FGF10: variants seen among roughly 807,000 people sequenced by gnomAD.
FGF10 encodes FGF-10.
FGF10 carries 2 observed loss-of-function variants against 19.8 expected under a neutral mutation model. The observed-to-expected ratio is 0.10, with a 90% CI of 0.04 to 0.32. The LOEUF is 0.32. FGF10 is among the 10% of genes least tolerant of loss of function. The pLI, the probability that FGF10 is intolerant of heterozygous loss-of-function variation, is 1.00. For synonymous variants in FGF10, 112 were observed against 94.0 expected (o/e 1.19, Z -1.10); for missense variants, 191 against 246.3 (o/e 0.78, Z 1.50).
At chr5:44,375,849 A>T (rs527562834) in intron 1 of FGF10, among the ~76,000 whole-genome samples, 4 of 152,128 alleles carry the variant, frequency 2.6e-5, no homozygotes, top group Non-Finnish European at 4.4e-5. Context: ...ATCCTCAATT[A>T]TGTTAACTCT....
At chr5:44,345,771 T>G (rs2111803762) in intron 1 of FGF10, among the ~76,000 whole-genome samples, 1 of 151,880 alleles carries the variant, frequency 6.6e-6, no homozygotes, top group Admixed American at 6.6e-5. Context: ...ACTTGGAAAG[T>G]TTTCTCATCC....
chr5:44,368,197 C>T (rs1455556911), intron 1 of FGF10, among the ~76,000 whole-genome samples: 1 of 151,920 alleles, frequency 6.6e-6, no homozygotes, highest in Non-Finnish European at 1.5e-5. Flanking sequence ...AGGACTGAGG[C>T]AATATATTTC....
intron 1 of FGF10, among the ~76,000 whole-genome samples, chr5:44,358,937 T>C (rs1349609227): frequency 1.3e-5 from 2 of 151,484 alleles, no homozygotes; most frequent in Non-Finnish European, 3.0e-5. Flanking sequence ...CCTCCTAAAA[T>C]AAAAATCTCA....
chr5:44,367,145 A>G (rs919207311), intron 1 of FGF10, among the ~76,000 whole-genome samples: 2 of 152,102 alleles, frequency 1.3e-5, no homozygotes, highest in Non-Finnish European at 2.9e-5. Flanking sequence ...TTCACACTAT[A>G]AAAGTATTTT....
intron 1 of FGF10, among the ~76,000 whole-genome samples, chr5:44,338,873 T>C (rs1740907917): frequency 6.6e-6 from 1 of 152,200 alleles, no homozygotes; most frequent in Non-Finnish European, 1.5e-5. Context: ...AGAATTAATG[T>C]AGAAAAGCAA....
At chr5:44,363,662 T>C (rs1741540369) in intron 1 of FGF10, among the ~76,000 whole-genome samples, 1 of 151,888 alleles carries the variant, frequency 6.6e-6, no homozygotes. Flanking sequence ...ATAAGGTCAT[T>C]GATAATATCT....
At chr5:44,345,386 C>T (rs1205285389) in intron 1 of FGF10, among the ~76,000 whole-genome samples, 1 of 151,598 alleles carries the variant, frequency 6.6e-6, no homozygotes, top group Admixed American at 6.6e-5. Flanking sequence ...ACTATTAATG[C>T]ATTACAATTT....
At chr5:44,384,774 C>A (rs754674389) in intron 1 of FGF10, among the ~76,000 whole-genome samples, 8 of 152,124 alleles carry the variant, frequency 5.3e-5, no homozygotes, top group Non-Finnish European at 1.2e-4. Flanking sequence ...ATACTACATA[C>A]TCTTTACATA....
At position 44,300,679 on chromosome 5, in the gene FGF10, C is replaced by T. The variant is rs1469777274; in HGVS notation, c.*4316G>A. Among the ~76,000 whole-genome samples the T allele has an allele frequency of 2.6e-5, 4 of 152,070 alleles. No homozygotes were observed. In the East Asian group the frequency reaches 7.7e-4, roughly 29 times the overall value. On this transcript the variant is annotated 3_prime_UTR_variant, in exon 3 of 3. Coordinates refer to ENST00000264664, the MANE Select transcript of FGF10 (RefSeq NM_004465.2). ...CACAGCTTCATTTAATAAGATGTAGCAAACAACCATTTGGTTTTTGCACCT... is the reference window on the plus strand; with the variant it reads ...CACAGCTTCATTTAATAAGATGTAGTAAACAACCATTTGGTTTTTGCACCT...
chr5:44,334,022 C>A (rs1740793263), intron 1 of FGF10, among the ~76,000 whole-genome samples: 1 of 152,102 alleles, frequency 6.6e-6, no homozygotes, highest in East Asian at 1.9e-4. Flanking sequence ...TTTTCAGAAA[C>A]AAATGGTCAC....
At chr5:44,336,502 C>T (rs1304859274) in intron 1 of FGF10, among the ~76,000 whole-genome samples, 2 of 152,126 alleles carry the variant, frequency 1.3e-5, no homozygotes, top group African/African-American at 2.4e-5. Flanking sequence ...TTTCCCCACA[C>T]CCTCCTCCTC....
At chr5:44,379,964 T>G (rs1741950514) in intron 1 of FGF10, among the ~76,000 whole-genome samples, 1 of 152,220 alleles carries the variant, frequency 6.6e-6, no homozygotes, top group South Asian at 2.1e-4. Context: ...ATATTTGAGC[T>G]CTAAAACACT....
intron 1 of FGF10, among the ~76,000 whole-genome samples, chr5:44,383,045 G>A (rs1742017704): frequency 6.6e-6 from 1 of 152,044 alleles, no homozygotes; most frequent in Non-Finnish European, 1.5e-5. Context: ...GCACTACAAT[G>A]TCAGATAAGC....
intron 1 of FGF10, among the ~76,000 whole-genome samples, chr5:44,317,408 T>C (rs1390766826): frequency 6.6e-6 from 1 of 152,200 alleles, no homozygotes; most frequent in Non-Finnish European, 1.5e-5. Context: ...TTAGCCTTAT[T>C]GATGAGTACA....
At chr5:44,328,031 A>C (rs1214865305) in intron 1 of FGF10, among the ~76,000 whole-genome samples, 1 of 152,226 alleles carries the variant, frequency 6.6e-6, no homozygotes, top group African/African-American at 2.4e-5. Context: ...TTCAAGGGAC[A>C]TTCATACTAT....
At chr5:44,378,580 C>T (rs941513356) in intron 1 of FGF10, among the ~76,000 whole-genome samples, 4 of 152,176 alleles carry the variant, frequency 2.6e-5, no homozygotes, top group Admixed American at 6.5e-5. Context: ...CACAGGCGCC[C>T]GCCACCGCGC....
Position 44,301,124 on chromosome 5 carries a change from T to A in FGF10, c.*3871A>T, listed in dbSNP as rs1739956819. Among the ~76,000 whole-genome samples, 1 of 152,120 alleles carries A rather than the reference T, an allele frequency of 6.6e-6. No homozygotes were observed. The highest frequency in any genetic ancestry group is 1.5e-5 in the Non-Finnish European group (1 of 68,022). ...CTTCAAAGATATTCCTCTTCCTTTT[T>A]ATTTTTTTTTCAGTTTAAGTTGGAA... On this transcript the variant is annotated 3_prime_UTR_variant, in exon 3 of 3. Coordinates refer to ENST00000264664, the MANE Select transcript of FGF10 (RefSeq NM_004465.2).
Position 44,316,802 on chromosome 5 carries a change from A to T in FGF10, c.326-6272T>A, listed in dbSNP as rs919718069. Among the ~76,000 whole-genome samples the T allele has an allele frequency of 2.6e-5, 4 of 152,210 alleles. No individual in the cohort carries two copies. In the East Asian group the frequency reaches 7.7e-4, roughly 29 times the overall value. On this transcript the variant is annotated intron_variant, in intron 1 of 2. Coordinates refer to ENST00000264664, the MANE Select transcript of FGF10 (RefSeq NM_004465.2). ...GTGAATTTGGGATTTGTGTACAGATATACTGCATTGTTGTTGATAGTCATC... is the reference window on the plus strand; with the variant it reads ...GTGAATTTGGGATTTGTGTACAGATTTACTGCATTGTTGTTGATAGTCATC...
At chr5:44,366,376 T>G (rs1318364029) in intron 1 of FGF10, among the ~76,000 whole-genome samples, 1 of 151,900 alleles carries the variant, frequency 6.6e-6, no homozygotes, top group South Asian at 2.1e-4. Context: ...ATATGTGACA[T>G]CTGAAATAAC....
Sources: allele counts gnomAD v4.1 joint callset (sites outside exome capture counted in the v4.1 genomes callset), GRCh38; gene constraint gnomAD v4.1.1; transcripts MANE v1.5; gene names NCBI Gene and HGNC (gene_info 2026-07-23, HGNC 2026-07-21).